The following GK variants were observed in gnomAD, a reference collection of about 807,000 sequenced individuals.
The protein encoded by GK is ATP:glycerol 3-phosphotransferase.
In GK, 9 loss-of-function variants were observed where a neutral mutation model predicts 56.4. That is an observed-to-expected ratio of 0.16 (90% CI 0.10 to 0.28). The LOEUF is 0.28. GK is among the 10% of genes least tolerant of loss of function. GK has a pLI of 1.00. For missense variants in GK, 161 were observed against 431.4 expected (o/e 0.37, Z 5.55); for synonymous variants, 104 against 144.1 (o/e 0.72, Z 1.99).
chrX:30,723,451 C>G (rs1196732569), intron 18 of GK, among the ~76,000 whole-genome samples: 1 of 110,309 alleles, frequency 9.1e-6, no homozygotes, highest in Middle Eastern at 4.2e-3. Flanking sequence ...TACAGCATAC[C>G]CTTTTCCTCG....
chrX:30,707,650 A>T, intron 12 of GK, 52 bp downstream of exon 12: 2 of 667,171 alleles, frequency 3.0e-6, no homozygotes, highest in Non-Finnish European at 4.9e-6. Context: ...TCATCTAAAT[A>T]ATGCTTGAAC....
intron 18 of GK, 45 bp from the exon 19 acceptor site, chrX:30,724,056 G>T (rs1387459142): frequency 1.2e-6 from 1 of 800,451 alleles, no homozygotes; most frequent in Non-Finnish European, 1.9e-6. Flanking sequence ...GAACATCTCA[G>T]CAAACTACCT....
chrX:30,653,769 G>A (rs894048481), intron 1 of GK, among the ~76,000 whole-genome samples, 154 bp downstream of exon 1: 1 of 112,446 alleles, frequency 8.9e-6, no homozygotes, highest in Non-Finnish European at 1.9e-5. Context: ...GCCACACTGG[G>A]GATGCCCCAG....
chrX:30,658,464 C>T (rs1473231373), intron 1 of GK, among the ~76,000 whole-genome samples: 5 of 111,526 alleles, frequency 4.5e-5, no homozygotes, highest in Non-Finnish European at 7.5e-5. Flanking sequence ...TACAGGTGTG[C>T]GCCACCATGC....
chrX:30,677,865 A>C, intron 4 of GK: 1 of 451,301 alleles, frequency 2.2e-6, no homozygotes. Flanking sequence ...ACATGCAGTC[A>C]TGGTACCTAT....
In GK at chrX:30,730,943, C is replaced by T. The variant is rs1472899992; in HGVS notation, c.*2201C>T. ...ATTAGAAGAAACTACACTGTCCCATCTCAGCATTTGCAAAAAATAATGTTG... is the reference window on the plus strand; with the variant it reads ...ATTAGAAGAAACTACACTGTCCCATTTCAGCATTTGCAAAAAATAATGTTG... On this transcript the variant is annotated 3_prime_UTR_variant, in exon 21 of 21. Transcript: ENST00000427190. 1 of 111,971 alleles carries T rather than the reference C, an allele frequency of 8.9e-6. No individual in the cohort carries two copies. Among genetic ancestry groups the T allele is most frequent in the Non-Finnish European group, 1.9e-5 (1 of 53,242 alleles). The allele number at this position is 111,971 out of a possible 1,213,427, so 9.2% of individuals were successfully genotyped here. A position where few individuals can be genotyped will look rare whatever the true frequency, so the allele number is the denominator to read the frequency against.
Position 30,700,352 on chromosome X carries a change from A to G in GK, c.748-62A>G, listed in dbSNP as rs1935580071. Reference sequence around the variant, plus strand: ...TGCTACTTGTGTTCACTCTTGTTGCAGCTATGTTAGTAGAGCCAAAATTTT... The same window carrying G: ...TGCTACTTGTGTTCACTCTTGTTGCGGCTATGTTAGTAGAGCCAAAATTTT... On this transcript the variant is annotated intron_variant, in intron 9 of 20. Coordinates refer to ENST00000427190, the MANE Select transcript of GK (RefSeq NM_001205019.2). 9 of 758,878 alleles carry G rather than the reference A, an allele frequency of 1.2e-5. No individual in the cohort carries two copies. In the Admixed American group the frequency reaches 1.9e-4, roughly 16 times the overall value. 62.5% of individuals were successfully genotyped at this position (758,878 alleles called of 1,213,427 possible).
intron 1 of GK, among the ~76,000 whole-genome samples, chrX:30,661,318 G>T (rs1344179708): frequency 9.0e-6 from 1 of 111,072 alleles, no homozygotes; most frequent in African/African-American, 3.3e-5. Context: ...CCTGTAACTT[G>T]TCATCCCTGG....
intron 4 of GK, chrX:30,678,166 AT>A: frequency 2.3e-6 from 1 of 441,579 alleles, no homozygotes; most frequent in South Asian, 3.6e-5. Flanking sequence ...AATTTGAATT[AT>A]TCTTCTAAGG....
chrX:30,730,575 A>G lies in GK; in HGVS notation c.*1833A>G, dbSNP rs1937308487. 8.9e-6 allele frequency: 1 copy of G among 112,223 alleles called. No homozygotes were observed. Among genetic ancestry groups the G allele is most frequent in the Admixed American group, 9.5e-5 (1 of 10,473 alleles). 9.2% of individuals were successfully genotyped at this position (112,223 alleles called of 1,213,427 possible). On this transcript the variant is annotated 3_prime_UTR_variant, in exon 21 of 21. Transcript: ENST00000427190. ...TTGTACACATTGATATTTAATGACA[A>G]ATTTACTTAAAATAAATTGACCCCT...
At chrX:30,711,417 G>A (rs1011606757) in intron 13 of GK, among the ~76,000 whole-genome samples, 1 of 111,221 alleles carries the variant, frequency 9.0e-6, no homozygotes, top group African/African-American at 3.3e-5. Flanking sequence ...ATATGCCTGT[G>A]TTTGGATTTA....
chrX:30,729,474 C>T lies in GK; in HGVS notation c.*732C>T, dbSNP rs1937267508. ...TTACTTTGTATGTATAACATACATG[C>T]CTATATATTTTATACACTGAGGGTA... is the stretch of plus-strand genomic sequence containing the variant. On this transcript the variant is annotated 3_prime_UTR_variant, in exon 21 of 21. Coordinates refer to ENST00000427190, the MANE Select transcript of GK (RefSeq NM_001205019.2). 9.1e-6 allele frequency: 1 copy of T among 110,370 alleles called. No individual in the cohort carries two copies. Among genetic ancestry groups the T allele is most frequent in the East Asian group, 2.8e-4 (1 of 3,517 alleles). 9.1% of individuals were successfully genotyped at this position (110,370 alleles called of 1,213,427 possible).
At chrX:30,665,435 T>G in intron 1 of GK, 76 bp from the exon 2 acceptor site, 1 of 621,180 alleles carries the variant, frequency 1.6e-6, no homozygotes, top group Non-Finnish European at 2.7e-6. Flanking sequence ...GAACAAGAAC[T>G]TCAGTTACTG....
At chrX:30,672,814 C>CA (rs922168718) in intron 3 of GK, among the ~76,000 whole-genome samples, 26 of 106,075 alleles carry the variant, frequency 2.5e-4, no homozygotes, top group Non-Finnish European at 2.7e-4. Flanking sequence ...AACTCTGTCT[C>CA]AAAAAAAAAA....
intron 1 of GK, among the ~76,000 whole-genome samples, chrX:30,657,933 A>G (rs890693301): frequency 8.9e-6 from 1 of 112,380 alleles, no homozygotes; most frequent in Non-Finnish European, 1.9e-5. Context: ...TATAAAAAAT[A>G]TTGCCTTTGA....
At position 30,706,546 on chromosome X, in the gene GK, A is replaced by G. The variant is rs758209127; in HGVS notation, c.852-1010A>G. Among the ~76,000 whole-genome samples the G allele has an allele frequency of 3.6e-5, 4 of 112,196 alleles. No individual in the cohort carries two copies. In the Admixed American group the frequency reaches 3.8e-4, roughly 11 times the overall value. ...GTAGCAACCTTGTTACCCCAAGCTTAACTGTTCCTCTGTGACCCTTACTGG... is the reference window on the plus strand; with the variant it reads ...GTAGCAACCTTGTTACCCCAAGCTTGACTGTTCCTCTGTGACCCTTACTGG... On this transcript the variant is annotated intron_variant, in intron 11 of 20. Transcript: ENST00000427190.
At chrX:30,693,516 G>T (rs1238051706) in intron 5 of GK, among the ~76,000 whole-genome samples, 3 of 110,986 alleles carry the variant, frequency 2.7e-5, no homozygotes, top group East Asian at 5.7e-4. Flanking sequence ...TGCTGTTTTA[G>T]ATAGAGTAAT....
rs371103817 is a variant in GK, at chrX:30,708,032, C to CT, written c.895-12dup. ...TCTTTTCATTTTCCACTACTGAAAT[C>CT]TTTTTTTTTTCTTTCTTACAGTGTG... On this transcript the variant is annotated intron_variant, in intron 12 of 20. Transcript: ENST00000427190. 6.7e-3 allele frequency: 6,125 copies of CT among 910,590 alleles called. 3 individuals are homozygous for CT. Among genetic ancestry groups the CT allele is most frequent in the African/African-American group, 0.017 (840 of 49,808 alleles). The allele number at this position is 910,590 out of a possible 1,213,427, so 75.0% of individuals were successfully genotyped here.
chrX:30,708,463 CT>C (rs1002125872), intron 13 of GK, among the ~76,000 whole-genome samples: 18 of 108,710 alleles, frequency 1.7e-4, no homozygotes, highest in Non-Finnish European at 3.2e-4. Context: ...TTTCTTTCAT[CT>C]TGAAAATTCT....
Sources: allele counts gnomAD v4.1 joint callset (sites outside exome capture counted in the v4.1 genomes callset), GRCh38; gene constraint gnomAD v4.1.1; transcripts MANE v1.5; gene names NCBI Gene and HGNC (gene_info 2026-07-23, HGNC 2026-07-21).